Variants in EML6 observed in about 807,000 individuals in gnomAD.
EML6 encodes the protein echinoderm microtubule-associated protein-like 6.
EML6 carries 154 observed loss-of-function variants against 240.1 expected under a neutral mutation model. The ratio of observed to expected loss-of-function variants is 0.64; its 90% CI spans 0.56 to 0.73. EML6 has a LOEUF of 0.73. Ranked by LOEUF, EML6 falls within the 30% of genes least tolerant of loss-of-function variation. The pLI, the probability that EML6 is intolerant of heterozygous loss-of-function variation, is 0.00. For missense variants in EML6, 2,964 were observed against 2,474.6 expected (o/e 1.20, Z -4.20); for synonymous variants, 1,148 against 899.0 (o/e 1.28, Z -4.95).
chr2:54,964,280 C>G (rs188642481), intron 37 of EML6, 122 bp downstream of exon 37: 2 of 977,412 alleles, frequency 2.0e-6, no homozygotes, highest in African/African-American at 3.3e-5. Context: ...TTCAACAAGC[C>G]ACCTATGAAA....
intron 41 of EML6, among the ~76,000 whole-genome samples, chr2:54,969,675 G>A (rs900323282): frequency 2.6e-5 from 4 of 152,200 alleles, no homozygotes; most frequent in Non-Finnish European, 2.9e-5. Flanking sequence ...TGCAGGGCTT[G>A]CAGGCCTTTG....
chr2:54,778,548 T>C (rs892239718), intron 2 of EML6, among the ~76,000 whole-genome samples: 4 of 152,142 alleles, frequency 2.6e-5, no homozygotes, highest in Admixed American at 6.6e-5. Flanking sequence ...TTGGGTCCCA[T>C]GTATTTCTTT....
chr2:54,965,354 G>A (rs1041177739), intron 38 of EML6, among the ~76,000 whole-genome samples: 1 of 152,188 alleles, frequency 6.6e-6, no homozygotes, highest in Non-Finnish European at 1.5e-5. Context: ...TGCTGAACCG[G>A]GCACTATGCT....
chr2:54,908,574 C>G (rs1459641592), intron 24 of EML6, among the ~76,000 whole-genome samples: 2 of 152,202 alleles, frequency 1.3e-5, no homozygotes, highest in South Asian at 2.1e-4. Context: ...AGGAACCAAG[C>G]AAGCAGTTCC....
intron 11 of EML6, among the ~76,000 whole-genome samples, chr2:54,854,393 GTTGTT>G (rs1193638428): frequency 6.6e-6 from 1 of 152,072 alleles, no homozygotes; most frequent in Non-Finnish European, 1.5e-5. Context: ...CTCATGTTTT[GTTGTT>G]TTGTTTTGTT....
chr2:54,925,900 C>A (rs973075256), intron 26 of EML6, among the ~76,000 whole-genome samples: 1 of 152,134 alleles, frequency 6.6e-6, no homozygotes, highest in Non-Finnish European at 1.5e-5. Context: ...TTTTTAAAAC[C>A]CTCCATGCCC....
intron 32 of EML6, among the ~76,000 whole-genome samples, chr2:54,954,813 C>G (rs1676157382): frequency 6.6e-6 from 1 of 152,204 alleles, no homozygotes; most frequent in Non-Finnish European, 1.5e-5. Flanking sequence ...AGGTTGGGTA[C>G]TGCCCTGGCA....
chr2:54,962,654 C>T lies in EML6; in HGVS notation c.5100C>T (p.Asp1700=), dbSNP rs745738651. The change falls in exon 36 of 42, where the codon GAC becomes GAT. Residue 1700 remains aspartate (D), a synonymous_variant. Transcript: ENST00000356458. The stretch of plus-strand genomic sequence containing the variant: ...GCCTGGCCACTCACCCTTCCAAGGA[C>T]CTCTTCATCTCTGCCAGCAACGATG... The part of the protein sequence containing the change: ...IWGLATHPSK[D]LFISASNDGT... 4 of 1,536,584 alleles carry T rather than the reference C, an allele frequency of 2.6e-6. No homozygotes were observed. Among genetic ancestry groups the T allele is most frequent in the South Asian group, 2.5e-5 (2 of 80,836 alleles).
chr2:54,735,354 A>G (rs1683345144), intron 2 of EML6, among the ~76,000 whole-genome samples: 1 of 152,194 alleles, frequency 6.6e-6, no homozygotes. Flanking sequence ...ATTATTCTTT[A>G]TATTTCAAAT....
intron 7 of EML6, among the ~76,000 whole-genome samples, chr2:54,832,405 A>C (rs1472316589): frequency 6.6e-6 from 1 of 152,208 alleles, no homozygotes; most frequent in Non-Finnish European, 1.5e-5. Context: ...AGAGACTCTC[A>C]GAACCGGCCC....
chr2:54,825,626 C>T (rs1668549608), intron 5 of EML6, among the ~76,000 whole-genome samples: 1 of 152,184 alleles, frequency 6.6e-6, no homozygotes, highest in Non-Finnish European at 1.5e-5. Flanking sequence ...AAATGAGTTA[C>T]CAGAGCTGAT....
intron 2 of EML6, among the ~76,000 whole-genome samples, chr2:54,741,281 C>G (rs1259813577): frequency 6.6e-6 from 1 of 152,070 alleles, no homozygotes; most frequent in Non-Finnish European, 1.5e-5. Flanking sequence ...ATGGTTACTC[C>G]CCTAGCCCAT....
intron 4 of EML6, 88 bp from the exon 5 acceptor site, chr2:54,820,306 T>C (rs567713701): frequency 1.5e-5 from 11 of 742,596 alleles, no homozygotes; most frequent in East Asian, 5.4e-5. Context: ...CTAAATGTTA[T>C]AGTAGAGTCT....
At chr2:54,789,696 A>G (rs554544642) in intron 2 of EML6, among the ~76,000 whole-genome samples, 1 of 152,114 alleles carries the variant, frequency 6.6e-6, no homozygotes, top group Non-Finnish European at 1.5e-5. Flanking sequence ...ACCTTATTTA[A>G]TTATATCCTC....
chr2:54,835,534 G>T (rs912518868), intron 7 of EML6, among the ~76,000 whole-genome samples: 4 of 152,232 alleles, frequency 2.6e-5, no homozygotes, highest in Non-Finnish European at 4.4e-5. Context: ...AGGCAGGCAT[G>T]TGGCATAATC....
At chr2:54,743,408 A>G (rs1329486361) in intron 2 of EML6, among the ~76,000 whole-genome samples, 2 of 152,236 alleles carry the variant, frequency 1.3e-5, no homozygotes, top group African/African-American at 2.4e-5. Flanking sequence ...TAACAAGACA[A>G]TGTTATTCAA....
chr2:54,951,069 C>T (rs1030188722), intron 30 of EML6, among the ~76,000 whole-genome samples: 4 of 152,200 alleles, frequency 2.6e-5, no homozygotes, highest in Non-Finnish European at 5.9e-5. Context: ...AAGCAAGAGA[C>T]AGGGTGTAAG....
intron 7 of EML6, among the ~76,000 whole-genome samples, chr2:54,838,466 C>T (rs920272111): frequency 3.3e-5 from 5 of 152,132 alleles, no homozygotes; most frequent in South Asian, 4.1e-4. Flanking sequence ...CAGCTGGCAA[C>T]GGCTGGTATA....
intron 15 of EML6, among the ~76,000 whole-genome samples, chr2:54,871,117 C>T (rs1311015983): frequency 1.3e-5 from 2 of 152,136 alleles, no homozygotes; most frequent in Non-Finnish European, 2.9e-5. Context: ...TAAAATAACT[C>T]TGGATAGCGT....
Sources: allele counts gnomAD v4.1 joint callset (sites outside exome capture counted in the v4.1 genomes callset), GRCh38; gene constraint gnomAD v4.1.1; transcripts MANE v1.5; gene names NCBI Gene and HGNC (gene_info 2026-07-23, HGNC 2026-07-21).